The following FAM228B variants were observed in gnomAD, a reference collection of about 807,000 sequenced individuals.
The protein encoded by FAM228B is family with sequence similarity 228 member B.
Under a neutral mutation model 42.6 loss-of-function variants are expected in FAM228B, and 38 were observed. The observed-to-expected ratio is 0.89, with a 90% CI of 0.69 to 1.17. FAM228B has a LOEUF of 1.17. Ranked by LOEUF, FAM228B falls within the 50% of genes most tolerant of loss-of-function variation. FAM228B has a pLI of 0.00. For synonymous variants in FAM228B, 109 were observed against 122.3 expected, an observed-to-expected ratio of 0.89 and a Z score of 0.72; for missense variants, 344 against 367.3, an observed-to-expected ratio of 0.94 and a Z score of 0.52.
intron 2 of FAM228B, among the ~76,000 whole-genome samples, chr2:24,089,019 T>C (rs762419568): frequency 2.0e-5 from 3 of 152,174 alleles, no homozygotes; most frequent in Non-Finnish European, 2.9e-5. Flanking sequence ...TATGGGGAAA[T>C]AGATTATATT....
chr2:24,115,285 C>T (rs190219629), intron 3 of FAM228B: 6 of 317,144 alleles, frequency 1.9e-5, no homozygotes, highest in African/African-American at 1.0e-4. Flanking sequence ...GCATACTTAG[C>T]AAGGTGTGTA....
chr2:24,127,990 C>T (rs1156325081), intron 2 of FAM228B, among the ~76,000 whole-genome samples: 2 of 152,022 alleles, frequency 1.3e-5, no homozygotes, highest in Admixed American at 6.6e-5. Context: ...TTTCTATTCC[C>T]TCCATCTTTT....
intron 2 of FAM228B, among the ~76,000 whole-genome samples, chr2:24,086,090 C>T (rs1047671411): frequency 1.3e-5 from 2 of 152,014 alleles, no homozygotes; most frequent in African/African-American, 4.8e-5. Context: ...AAAAAATTAG[C>T]CGGGCGTGGT....
At chr2:24,141,680 G>C (rs1330963552) in intron 5 of FAM228B, among the ~76,000 whole-genome samples, 4 of 152,206 alleles carry the variant, frequency 2.6e-5, no homozygotes, top group Non-Finnish European at 5.9e-5. Flanking sequence ...GCCTGGCCTA[G>C]ATACTAGTTT....
At chr2:24,127,066 C>G (rs917571319) in intron 2 of FAM228B, among the ~76,000 whole-genome samples, 1 of 152,030 alleles carries the variant, frequency 6.6e-6, no homozygotes, top group Non-Finnish European at 1.5e-5. Context: ...TTTCATCACC[C>G]CCAAAAAGAA....
At chr2:24,144,660 C>A (rs907659518) in intron 5 of FAM228B, among the ~76,000 whole-genome samples, 1 of 152,168 alleles carries the variant, frequency 6.6e-6, no homozygotes, top group Non-Finnish European at 1.5e-5. Flanking sequence ...GAGGTGTGAG[C>A]AGCTGGCAGC....
intron 10 of FAM228B, among the ~76,000 whole-genome samples, chr2:24,168,744 A>T (rs1175315569): frequency 6.6e-6 from 1 of 152,068 alleles, no homozygotes; most frequent in Non-Finnish European, 1.5e-5. Context: ...ATGATGCTGG[A>T]GAGAGAGGGG....
chr2:24,130,299 G>A (rs1666425720), intron 2 of FAM228B, among the ~76,000 whole-genome samples: 1 of 152,184 alleles, frequency 6.6e-6, no homozygotes, highest in South Asian at 2.1e-4. Flanking sequence ...ATAGTAGAAT[G>A]ATTTATATTC....
upstream of FAM228B, chr2:24,121,019 C>G: frequency 1.9e-6 from 2 of 1,071,976 alleles, no homozygotes; most frequent in Non-Finnish European, 2.7e-6. Context: ...ATATGTCTTC[C>G]TGGCACTAGA....
intron 7 of FAM228B, among the ~76,000 whole-genome samples, chr2:24,157,961 C>T (rs1337813987): frequency 6.6e-6 from 1 of 152,084 alleles, no homozygotes; most frequent in Non-Finnish European, 1.5e-5. Context: ...CCACACTTTC[C>T]CTTATGTTAC....
At position 24,129,342 on chromosome 2, in the gene FAM228B, G is replaced by C. The variant is rs115787788; in HGVS notation, c.99+4882G>C. 9.0e-4 allele frequency among the ~76,000 whole-genome samples: 134 copies of C among 149,652 alleles called. 1 individual carries two copies. Among genetic ancestry groups the C allele is most frequent in the Non-Finnish European group, 1.5e-3 (104 of 67,498 alleles). On this transcript the variant is annotated intron_variant, in intron 2 of 10. Transcript: ENST00000615575. ...TTTTTTAGTTGTTTCAGGTGGGAGA[G>C]TAAGTCTGTTTCCTGCTACTCTGTC...
intron 5 of FAM228B, among the ~76,000 whole-genome samples, chr2:24,140,816 G>A (rs1666723865): frequency 6.6e-6 from 1 of 151,656 alleles, no homozygotes. Context: ...ACAAAAATTA[G>A]CCGGGTGTGG....
chr2:24,155,260 A>G, intron 7 of FAM228B, among the ~76,000 whole-genome samples: 1 of 152,010 alleles, frequency 6.6e-6, no homozygotes, highest in East Asian at 1.9e-4. Flanking sequence ...AGTTCCAGTC[A>G]CACTGTTTGT....
intron 1 of FAM228B, chr2:24,079,362 A>G: frequency 1.4e-6 from 2 of 1,464,366 alleles, no homozygotes; most frequent in African/African-American, 2.8e-5. Context: ...AATCTAAGGT[A>G]GAGCTTCCTT....
At chr2:24,087,778 T>G (rs1483355622) in intron 2 of FAM228B, among the ~76,000 whole-genome samples, 5 of 101,802 alleles carry the variant, frequency 4.9e-5, no homozygotes, top group African/African-American at 1.8e-4. Flanking sequence ...ACCAGGGTAA[T>G]TTTTTTTTTT....
chr2:24,145,706 C>CT (rs34354190), intron 5 of FAM228B, among the ~76,000 whole-genome samples: 82 of 114,312 alleles, frequency 7.2e-4, no homozygotes, highest in African/African-American at 1.0e-3. Flanking sequence ...TTTTTTGTTC[C>CT]TTTTTTTTTT....
At chr2:24,145,958 G>A (rs1470120215) in intron 5 of FAM228B, among the ~76,000 whole-genome samples, 2 of 152,030 alleles carry the variant, frequency 1.3e-5, no homozygotes, top group Non-Finnish European at 2.9e-5. Context: ...CAAAGTGCTG[G>A]GATTACAGGC....
chr2:24,097,269 A>G (rs1333795874), intron 3 of FAM228B: 1 of 152,204 alleles, frequency 6.6e-6, no homozygotes, highest in Non-Finnish European at 1.5e-5. Context: ...AAATTCACAC[A>G]TAACGATATT....
At chr2:24,099,868 A>G (rs991128246) in intron 3 of FAM228B, among the ~76,000 whole-genome samples, 2 of 152,232 alleles carry the variant, frequency 1.3e-5, no homozygotes, top group Non-Finnish European at 2.9e-5. Flanking sequence ...ACTTCAAACT[A>G]TACTACAAGG....
Sources: gnomAD v4.1 joint callset for allele counts (sites outside exome capture counted in the v4.1 genomes callset) on GRCh38, gnomAD v4.1.1 for gene constraint, MANE v1.5 for transcripts, NCBI Gene and HGNC (gene_info 2026-07-23, HGNC 2026-07-21) for gene names.